PRC1: variants seen among roughly 807,000 people sequenced by gnomAD.
PRC1 encodes the protein anaphase spindle elongation 1 homolog.
A neutral mutation model predicts 91.2 loss-of-function variants in PRC1; 54 were observed. That is an observed-to-expected ratio of 0.59 (90% CI 0.48 to 0.74). PRC1 has a LOEUF of 0.74. Among genes scored for constraint, PRC1 ranks in the 30% least tolerant of loss-of-function variants. The probability of loss-of-function intolerance (pLI) is 0.00; values close to 1 mark genes in which losing one functional copy is unlikely to be tolerated. For synonymous variants in PRC1, 275 were observed against 263.6 expected, an observed-to-expected ratio of 1.04 and a Z score of -0.42; for missense variants, 727 against 746.2, an observed-to-expected ratio of 0.97 and a Z score of 0.30.
rs1455462951 is a variant in PRC1, at chr15:90,974,125, C to T, written c.1461+11G>A. 6.2e-7 allele frequency: 1 copy of T among 1,610,408 alleles called. No individual in the cohort carries two copies. The highest frequency in any genetic ancestry group is 1.7e-5 in the Admixed American group (1 of 60,008). Reference sequence around the variant, plus strand: ...CCTTGAAATCAGTGTTTCCCTAAGCCTTGTGTTTACCTTACGTGCTTTGCC... The same window carrying T: ...CCTTGAAATCAGTGTTTCCCTAAGCTTTGTGTTTACCTTACGTGCTTTGCC... On this transcript the variant is annotated intron_variant, in intron 11 of 14. Transcript: ENST00000394249. This position sits in a 1 kb window ranked among gnomAD's most constrained non-coding sequence, Gnocchi z 4.6.
At chr15:90,988,430 G>A (rs1032584503) in intron 1 of PRC1, 2 of 152,028 alleles carry the variant, frequency 1.3e-5, no homozygotes, top group South Asian at 2.1e-4. Flanking sequence ...TCAGATCCCC[G>A]CTTAACTACT....
chr15:90,979,061 G>A, intron 8 of PRC1, 97 bp downstream of exon 8: 1 of 1,348,050 alleles, frequency 7.4e-7, no homozygotes, highest in African/African-American at 1.5e-5. Context: ...GATAAAGATG[G>A]GGTATCAAAA....
intron 7 of PRC1, among the ~76,000 whole-genome samples, 153 bp from the exon 8 acceptor site, chr15:90,979,447 G>C (rs1277898024): frequency 6.6e-6 from 1 of 152,184 alleles, no homozygotes; most frequent in Non-Finnish European, 1.5e-5. Context: ...TAGATATATA[G>C]TGGTTAATAA....
At chr15:90,969,141 C>G in intron 13 of PRC1, 21 bp from the exon 14 acceptor site, 2 of 1,604,374 alleles carry the variant, frequency 1.2e-6, no homozygotes, top group South Asian at 1.1e-5. Context: ...AGAATTAAGA[C>G]AATTACCAAG....
intron 9 of PRC1, among the ~76,000 whole-genome samples, chr15:90,976,156 T>G (rs1412635408): frequency 6.6e-6 from 1 of 152,184 alleles, no homozygotes; most frequent in Non-Finnish European, 1.5e-5. Context: ...TGGCGCGGTC[T>G]TGGCTCACTG....
rs201630358 is a variant in PRC1 at position 90,970,426 on chromosome 15, C to G, written c.1550G>C (p.Arg517Pro). ...AACCTTGCTGCCAGAAGGAGGAAGT[C>G]GAGACACGGGGGAGTGGTAGACTGT... ...GGTVYHSPVS[R>P]LPPSGSKPVA... The change falls in exon 12 of 15, where the codon CGA becomes CCA. Residue 517 changes from arginine (R) to proline (P), a missense_variant. By Grantham distance (103) the Arg-to-Pro change is moderately radical. Transcript: ENST00000394249. The G allele has an allele frequency of 1.2e-6, 2 of 1,610,708 alleles. No individual in the cohort carries two copies. Among genetic ancestry groups the G allele is most frequent in the Non-Finnish European group, 1.7e-6 (2 of 1,177,078 alleles).
intron 11 of PRC1, among the ~76,000 whole-genome samples, chr15:90,972,706 C>G (rs2038265679): frequency 1.3e-5 from 2 of 151,802 alleles, no homozygotes; most frequent in Admixed American, 6.5e-5. Flanking sequence ...CCATTGCACT[C>G]CAGCCTAGGC....
intron 7 of PRC1, among the ~76,000 whole-genome samples, chr15:90,979,539 T>C (rs1178588720): frequency 6.6e-6 from 1 of 152,228 alleles, no homozygotes; most frequent in African/African-American, 2.4e-5. Flanking sequence ...GTCAAAAATC[T>C]GCATCATCTC....
chr15:90,982,188 C>CA (rs1375932288), intron 3 of PRC1: 2 of 586,674 alleles, frequency 3.4e-6, no homozygotes, highest in African/African-American at 3.7e-5. Flanking sequence ...TACTTTTCCC[C>CA]CCAATTTTAA....
intron 11 of PRC1, among the ~76,000 whole-genome samples, chr15:90,973,644 AG>A (rs1193869034): frequency 1.3e-5 from 2 of 152,144 alleles, no homozygotes; most frequent in African/African-American, 2.4e-5. Context: ...CTTAGATAGG[AG>A]AAAACTGCCC....
At position 90,974,626 on chromosome 15, in the gene PRC1, C is replaced by T; in HGVS notation, c.1309G>A (p.Glu437Lys). ...CTCTCTTTCTCCAATCGATGCATCT[C>T]CCATTGTTCTGCCACATACTCCATG... ...KFMEYVAEQW[E>K]MHRLEKERAK... is the part of the protein sequence containing the mutation. Residue 437 changes from glutamate (E) to lysine (K), a missense_variant, in exon 10 of 15, where the codon GAG becomes AAG. Transcript: ENST00000394249. The surrounding 1 kb of genome is among the most constrained non-coding windows in gnomAD (Gnocchi z 4.6). 6.2e-7 allele frequency: 1 copy of T among 1,614,226 alleles called. No individual in the cohort carries two copies. The highest frequency in any genetic ancestry group is 8.5e-7 in the Non-Finnish European group (1 of 1,180,044).
rs142124129 is a variant in PRC1, at chr15:90,981,917, C to T, written c.332G>A (p.Arg111Gln). ...CTGTTTTCTCTCCTTTTTCTGTTTT[C>T]GCATCAATTCCACTTGGGTGCGCAA... ...KDLRTQVELM[R>Q]KQKKERKQEL... The change falls in exon 4 of 15, where the codon CGA (arginine) becomes CAA (glutamine). Residue 111 changes from arginine (R) to glutamine (Q), a missense_variant. Transcript: ENST00000394249. 14 of 1,614,034 alleles carry T rather than the reference C, an allele frequency of 8.7e-6. No homozygotes were observed. Among genetic ancestry groups the T allele is most frequent in the South Asian group, 5.5e-5 (5 of 91,084 alleles).
chr15:90,969,676 C>T (rs531070130), intron 12 of PRC1, 53 bp from the exon 13 acceptor site: 33 of 1,510,148 alleles, frequency 2.2e-5, no homozygotes, highest in Middle Eastern at 1.8e-4. Flanking sequence ...AACGTGCACA[C>T]GCACACACAA....
chr15:90,981,165 A>G (rs914376276), intron 5 of PRC1, 132 bp from the exon 6 acceptor site: 9 of 1,211,912 alleles, frequency 7.4e-6, no homozygotes, highest in Non-Finnish European at 1.0e-5. Context: ...GCATGTTTTC[A>G]TGCCTCCTAA....
At chr15:90,970,546 G>A (rs1383383022) in intron 11 of PRC1, 32 bp from the exon 12 acceptor site, 2 of 1,442,890 alleles carry the variant, frequency 1.4e-6, no homozygotes, top group Non-Finnish European at 1.9e-6. Context: ...TAACTGATGT[G>A]CAGTAACATC....
chr15:90,969,213 G>A, intron 13 of PRC1, 93 bp from the exon 14 acceptor site: 1 of 1,376,392 alleles, frequency 7.3e-7, no homozygotes. Flanking sequence ...CCAGGGAATG[G>A]TATGTATTAA....
chr15:90,973,922 G>A (rs1009669525), intron 11 of PRC1: 10 of 492,416 alleles, frequency 2.0e-5, no homozygotes, highest in African/African-American at 4.0e-5. Flanking sequence ...TCAAGAGACC[G>A]GTGCTGGTGC....
chr15:90,975,260 A>G (rs1027868809), intron 9 of PRC1, among the ~76,000 whole-genome samples: 2 of 151,986 alleles, frequency 1.3e-5, no homozygotes, highest in African/African-American at 2.4e-5. Flanking sequence ...CATACGCCAC[A>G]CCTGGTTAAT....
At position 90,966,921 on chromosome 15, in the gene PRC1, A is replaced by G. The variant is rs192638360; in HGVS notation, c.*210T>C. Reference sequence around the variant, plus strand: ...TTCTTGCCATAAACTTTTCATGTATATAAGTCAAAACCAAGTCTCCTAGGA... The same window carrying G: ...TTCTTGCCATAAACTTTTCATGTATGTAAGTCAAAACCAAGTCTCCTAGGA... On this transcript the variant is annotated 3_prime_UTR_variant, in exon 15 of 15. Coordinates refer to ENST00000394249, the MANE Select transcript of PRC1 (RefSeq NM_003981.4). 742 of 585,868 alleles carry G rather than the reference A, an allele frequency of 1.3e-3. 13 individuals are homozygous for G. The highest frequency in any genetic ancestry group is 0.012 in the African/African-American group (647 of 53,614). 36.3% of individuals were successfully genotyped at this position (585,868 alleles called of 1,614,324 possible). A position where few individuals can be genotyped will look rare whatever the true frequency, so the allele number is the denominator to read the frequency against.
Sources: allele counts gnomAD v4.1 joint callset (sites outside exome capture counted in the v4.1 genomes callset), GRCh38; gene constraint gnomAD v4.1.1; non-coding constraint Gnocchi (gnomAD v3.1); transcripts MANE v1.5; gene names NCBI Gene and HGNC (gene_info 2026-07-23, HGNC 2026-07-21).